Variants in RFWD3 observed in about 807,000 individuals in gnomAD.
RFWD3 encodes E3 ubiquitin-protein ligase RFWD3.
RFWD3 carries 65 observed loss-of-function variants against 87.7 expected under a neutral mutation model. That is an observed-to-expected ratio of 0.74 (90% CI 0.61 to 0.91). RFWD3 has a LOEUF of 0.91. Among genes scored for constraint, RFWD3 ranks in the 40% least tolerant of loss-of-function variants. The pLI is 0.00. For missense variants in RFWD3, 1,078 were observed against 938.5 expected, an observed-to-expected ratio of 1.15 and a Z score of -1.94; for synonymous variants, 433 against 352.8, an observed-to-expected ratio of 1.23 and a Z score of -2.55.
chr16:74,630,157 G>A (rs923728918), intron 10 of RFWD3, among the ~76,000 whole-genome samples: 4 of 151,904 alleles, frequency 2.6e-5, no homozygotes, highest in Non-Finnish European at 4.4e-5. Context: ...GTGCAACGGC[G>A]CAATCTCGGC....
intron 6 of RFWD3, among the ~76,000 whole-genome samples, chr16:74,639,593 T>C (rs1450325471): frequency 6.6e-6 from 1 of 152,232 alleles, no homozygotes; most frequent in Non-Finnish European, 1.5e-5. Context: ...ACAAAGATGG[T>C]ACTTCTCAAG....
chr16:74,648,252 G>A (rs1960310758), intron 4 of RFWD3, among the ~76,000 whole-genome samples: 1 of 151,816 alleles, frequency 6.6e-6, no homozygotes, highest in South Asian at 2.1e-4. Context: ...CACAAATAAT[G>A]AGTAACTGGG....
At chr16:74,636,229 G>T in intron 8 of RFWD3, 117 bp downstream of exon 8, 1 of 871,654 alleles carries the variant, frequency 1.1e-6, no homozygotes, top group Non-Finnish European at 1.8e-6. Flanking sequence ...CATTAACAAG[G>T]AACTAATAGG....
chr16:74,640,373 C>T (rs4271617), intron 6 of RFWD3, among the ~76,000 whole-genome samples: 111,341 of 151,792 alleles, frequency 0.73, 41,291 homozygotes, highest in African/African-American at 0.84. Context: ...CTCGAACTTC[C>T]GACCTTGTGA....
intron 2 of RFWD3, among the ~76,000 whole-genome samples, chr16:74,656,410 AGAT>A (rs1960993220): frequency 6.6e-6 from 1 of 151,936 alleles, no homozygotes; most frequent in Non-Finnish European, 1.5e-5. Context: ...TAATTTCTTA[AGAT>A]GATAGCTGCC....
intron 11 of RFWD3, among the ~76,000 whole-genome samples, chr16:74,627,715 A>G (rs1164044634): frequency 1.3e-5 from 2 of 152,234 alleles, no homozygotes; most frequent in Non-Finnish European, 2.9e-5. Flanking sequence ...ACATCTGGTC[A>G]TGGGTCAGGC....
chr16:74,648,859 G>C (rs570124676), intron 4 of RFWD3, among the ~76,000 whole-genome samples: 1 of 152,146 alleles, frequency 6.6e-6, no homozygotes, highest in South Asian at 2.1e-4. Context: ...GCCGAGGCAG[G>C]ACGATACCTT....
intron 10 of RFWD3, 123 bp downstream of exon 10, chr16:74,630,658 G>T (rs1402434200): frequency 5.6e-6 from 4 of 713,852 alleles, no homozygotes; most frequent in Non-Finnish European, 8.6e-6. Context: ...AGATCAAGTG[G>T]ATCTTCAAAA....
chr16:74,645,731 G>C (rs187463471), intron 4 of RFWD3, among the ~76,000 whole-genome samples: 37 of 145,134 alleles, frequency 2.5e-4, no homozygotes, highest in African/African-American at 9.3e-4. Flanking sequence ...CATGATCATA[G>C]TCACAAATAT....
At chr16:74,647,717 G>C (rs1320985466) in intron 4 of RFWD3, among the ~76,000 whole-genome samples, 1 of 152,108 alleles carries the variant, frequency 6.6e-6, no homozygotes, top group Non-Finnish European at 1.5e-5. Flanking sequence ...TCAGCCTCCT[G>C]AGTAGCTGGG....
At chr16:74,662,403 G>C (rs1171765554) in intron 1 of RFWD3, among the ~76,000 whole-genome samples, 2 of 152,178 alleles carry the variant, frequency 1.3e-5, no homozygotes, top group Non-Finnish European at 2.9e-5. Context: ...ATGCAGACAA[G>C]ACACCCTAGA....
Position 74,661,286 on chromosome 16 carries a change from G to A in RFWD3, c.164C>T (p.Pro55Leu). The A allele has an allele frequency of 8.1e-6, 13 of 1,614,176 alleles. No homozygotes were observed. Among genetic ancestry groups the A allele is most frequent in the Non-Finnish European group, 1.0e-5 (12 of 1,180,038 alleles). Residue 55 changes from proline (P) to leucine (L), a missense_variant, in exon 2 of 13, where the codon CCA becomes CTA. Transcript: ENST00000361070. ...GCTGCTGATCACCTCAGCAGGAGCT[G>A]GCTGGAGGATGGATGGTACCCCCTG... Reference protein sequence around the residue: ...SSQGVPSILQPAPAEVISSQA... With the variant: ...SSQGVPSILQLAPAEVISSQA...
chr16:74,649,150 GC>G lies in RFWD3; in HGVS notation c.773del (p.Gly258AlafsTer90). 2 of 1,571,598 alleles carry G rather than the reference GC, an allele frequency of 1.3e-6. No homozygotes were observed. The highest frequency in any genetic ancestry group is 1.7e-6 in the Non-Finnish European group (2 of 1,165,428). On this transcript the variant is annotated frameshift_variant, in exon 4 of 13. Transcript: ENST00000361070. LOFTEE classifies it high-confidence loss of function. ...AEQEVTCIDG[G>X]KTLPKQPSPQ... ...ATATTACCTGTTTGGGGAGGGTCTTGCCTCCATCGATACATGTAACTTCTTG... is the reference window on the plus strand; with the variant it reads ...ATATTACCTGTTTGGGGAGGGTCTTGCTCCATCGATACATGTAACTTCTTG...
chr16:74,651,942 T>C lies in RFWD3; in HGVS notation c.699A>G (p.Glu233=). 6.2e-7 allele frequency: 1 copy of C among 1,613,906 alleles called. No homozygotes were observed. Among genetic ancestry groups the C allele is most frequent in the Non-Finnish European group, 8.5e-7 (1 of 1,179,854 alleles). Residue 233 remains glutamate (E), a synonymous_variant, in exon 3 of 13, where the codon GAA becomes GAG. Transcript: ENST00000361070. ...GACCTTCTAAAATGACAGCTCCAGA[T>C]TCCTCTGCCTGGTCAACAACCCCTC... The part of the protein sequence containing the change: ...EYGGVVDQAE[E]SGAVILEEQL...
At position 74,661,151 on chromosome 16, in the gene RFWD3, T is replaced by A; in HGVS notation, c.299A>T (p.Glu100Val). 2 of 1,614,214 alleles carry A rather than the reference T, an allele frequency of 1.2e-6. No homozygotes were observed. Among genetic ancestry groups the A allele is most frequent in the Admixed American group, 3.3e-5 (2 of 60,030 alleles). ...TVENINPRTS[E>V]QHRQGSDGNH... ...ACCATCAGATCCCTGCCTATGTTGT[T>A]CTGAAGTTCTTGGATTGATGTTCTC... Residue 100 changes from glutamate to valine, a missense_variant, in exon 2 of 13, where the codon GAA (glutamate) becomes GTA (valine). Physicochemically the swap from Glu to Val is moderately radical, Grantham distance 121 (BLOSUM62 -2). Coordinates refer to ENST00000361070, the MANE Select transcript of RFWD3 (RefSeq NM_018124.4).
intron 10 of RFWD3, among the ~76,000 whole-genome samples, chr16:74,629,652 C>T (rs1022823302): frequency 6.6e-6 from 1 of 150,432 alleles, no homozygotes; most frequent in Admixed American, 6.8e-5. Flanking sequence ...AACAAAAAAA[C>T]CACTACCACC....
intron 12 of RFWD3, 54 bp downstream of exon 12, chr16:74,626,289 A>G (rs976792036): frequency 2.0e-6 from 3 of 1,524,592 alleles, no homozygotes; most frequent in Middle Eastern, 1.7e-4. Flanking sequence ...TTCCCTTACC[A>G]ATATTTTAAG....
chr16:74,663,529 GAATA>G (rs1961627542), intron 1 of RFWD3, among the ~76,000 whole-genome samples: 1 of 152,228 alleles, frequency 6.6e-6, no homozygotes, highest in Admixed American at 6.5e-5. Context: ...GGTGCAGGCT[GAATA>G]AATGGAAGGA....
chr16:74,640,007 T>C (rs1275543173), intron 6 of RFWD3, among the ~76,000 whole-genome samples: 1 of 152,208 alleles, frequency 6.6e-6, no homozygotes, highest in Non-Finnish European at 1.5e-5. Flanking sequence ...TTACTGTTCC[T>C]AATTTATAAA....
Sources: gnomAD v4.1 joint callset for allele counts (sites outside exome capture counted in the v4.1 genomes callset) on GRCh38, gnomAD v4.1.1 for gene constraint, MANE v1.5 for transcripts, NCBI Gene and HGNC (gene_info 2026-07-23, HGNC 2026-07-21) for gene names.